PID1: variants seen among roughly 807,000 people sequenced by gnomAD.
PID1 encodes PTB-containing, cubilin and LRP1-interacting protein.
A neutral mutation model predicts 19.1 loss-of-function variants in PID1; 10 were observed. The ratio of observed to expected loss-of-function variants is 0.52; its 90% CI spans 0.32 to 0.89. The LOEUF is 0.89. PID1 is among the 40% of genes least tolerant of loss of function. The pLI is 0.03. For synonymous variants in PID1, 130 were observed against 116.0 expected (o/e 1.12, Z -0.78); for missense variants, 248 against 285.3 (o/e 0.87, Z 0.94).
At chr2:229,248,676 A>C (rs1188661596) in intron 1 of PID1, among the ~76,000 whole-genome samples, 1 of 152,214 alleles carries the variant, frequency 6.6e-6, no homozygotes, top group Non-Finnish European at 1.5e-5. Context: ...ATTTTATTGT[A>C]AGGAAGAGCT....
At chr2:229,092,398 T>C (rs1278035838) in intron 2 of PID1, among the ~76,000 whole-genome samples, 1 of 152,126 alleles carries the variant, frequency 6.6e-6, no homozygotes, top group African/African-American at 2.4e-5. Flanking sequence ...AACTACCCAA[T>C]CCTTGTGTTT....
At chr2:229,258,259 C>T (rs1690357687) in intron 1 of PID1, among the ~76,000 whole-genome samples, 1 of 152,216 alleles carries the variant, frequency 6.6e-6, no homozygotes, top group South Asian at 2.1e-4. Flanking sequence ...CGTGAACTTT[C>T]CACCCTTTGG....
intron 1 of PID1, among the ~76,000 whole-genome samples, chr2:229,170,089 C>CAAACA (rs1247649969): frequency 7.2e-5 from 11 of 152,272 alleles, no homozygotes; most frequent in African/African-American, 2.6e-4. Context: ...AAACGGAAAC[C>CAAACA]TTTATAATCA....
At chr2:229,230,076 A>G (rs188311363) in intron 1 of PID1, among the ~76,000 whole-genome samples, 227 of 152,286 alleles carry the variant, frequency 1.5e-3, no homozygotes, top group Admixed American at 5.6e-3. Context: ...CCAGTTTGAT[A>G]TTTTTCCTGA....
At chr2:229,218,911 C>G (rs1047101208) in intron 1 of PID1, among the ~76,000 whole-genome samples, 1 of 152,196 alleles carries the variant, frequency 6.6e-6, no homozygotes, top group Non-Finnish European at 1.5e-5. Flanking sequence ...TTGATCCATA[C>G]TCCTTTCTTT....
In PID1 at chr2:229,087,643, C is replaced by G. The variant is rs116835628; in HGVS notation, c.178-61535G>C. On this transcript the variant is annotated intron_variant, in intron 2 of 2. Coordinates refer to ENST00000392055, the MANE Select transcript of PID1 (RefSeq NM_001100818.2). ...TGCCATTGAGTAACGAAGTCTACAA[C>G]CTTCCTGCTTTTCTCCCTTTCTCCT... 7.8e-3 allele frequency among the ~76,000 whole-genome samples: 1,181 copies of G among 152,248 alleles called. 2 individuals are homozygous for G. Among genetic ancestry groups the G allele is most frequent in the Admixed American group, 0.016 (250 of 15,286 alleles).
At chr2:229,122,849 G>A (rs1368308747) in intron 2 of PID1, among the ~76,000 whole-genome samples, 1 of 152,130 alleles carries the variant, frequency 6.6e-6, no homozygotes, top group African/African-American at 2.4e-5. Context: ...TTGATCATTG[G>A]AACAGTAAAG....
intron 2 of PID1, among the ~76,000 whole-genome samples, chr2:229,117,792 TC>T (rs919249877): frequency 6.6e-6 from 1 of 152,174 alleles, no homozygotes; most frequent in Admixed American, 6.5e-5. Flanking sequence ...GCTTGTCATG[TC>T]CCCAAGCTTC....
intron 1 of PID1, among the ~76,000 whole-genome samples, chr2:229,190,338 GC>G (rs1219981814): frequency 6.6e-6 from 1 of 152,192 alleles, no homozygotes; most frequent in Admixed American, 6.5e-5. Context: ...AGTTGAACCA[GC>G]CCCGAGCTAT....
At chr2:229,254,878 G>A (rs1214506565) in intron 1 of PID1, among the ~76,000 whole-genome samples, 1 of 152,142 alleles carries the variant, frequency 6.6e-6, no homozygotes, top group African/African-American at 2.4e-5. Context: ...TCTGTGGGCA[G>A]CACCATCCCT....
intron 2 of PID1, among the ~76,000 whole-genome samples, chr2:229,032,658 C>T (rs1033895315): frequency 5.3e-5 from 8 of 152,148 alleles, no homozygotes; most frequent in Non-Finnish European, 1.2e-4. Flanking sequence ...CTGGAAATTG[C>T]GGTAAATACC....
intron 2 of PID1, among the ~76,000 whole-genome samples, chr2:229,151,772 G>A (rs1370950121): frequency 2.6e-5 from 4 of 151,976 alleles, no homozygotes; most frequent in African/African-American, 7.2e-5. Flanking sequence ...GGTTTTCAAC[G>A]TGTTAGCCAG....
chr2:229,226,657 G>A (rs952454492), intron 1 of PID1, among the ~76,000 whole-genome samples: 3 of 152,140 alleles, frequency 2.0e-5, no homozygotes, highest in Admixed American at 6.6e-5. Flanking sequence ...CCAAGTGTAC[G>A]AGGAAATCAG....
At chr2:229,118,711 G>A (rs1171186066) in intron 2 of PID1, among the ~76,000 whole-genome samples, 2 of 152,056 alleles carry the variant, frequency 1.3e-5, no homozygotes, top group Admixed American at 6.6e-5. Flanking sequence ...ATTGTTCTTG[G>A]GGGAAAGTAC....
chr2:229,140,496 C>CACAT (rs1689989775), intron 2 of PID1, among the ~76,000 whole-genome samples: 1 of 152,030 alleles, frequency 6.6e-6, no homozygotes, highest in African/African-American at 2.4e-5. Flanking sequence ...TGCACACACA[C>CACAT]ACACACAAGA....
intron 1 of PID1, among the ~76,000 whole-genome samples, chr2:229,227,690 T>TA (rs1002307563): frequency 6.6e-6 from 1 of 152,148 alleles, no homozygotes; most frequent in African/African-American, 2.4e-5. Context: ...TCTTCATCCC[T>TA]AAACATAAAT....
At chr2:229,086,338 A>G (rs1477324177) in intron 2 of PID1, among the ~76,000 whole-genome samples, 1 of 152,122 alleles carries the variant, frequency 6.6e-6, no homozygotes, top group African/African-American at 2.4e-5. Context: ...CCTACAATTG[A>G]GCAAAATCAT....
chr2:229,058,525 T>A (rs1694148569), intron 2 of PID1, among the ~76,000 whole-genome samples: 2 of 152,220 alleles, frequency 1.3e-5, no homozygotes, highest in African/African-American at 2.4e-5. Context: ...CAGCCGCCCC[T>A]GCTGGCATGC....
At chr2:229,082,154 A>G (rs1694680743) in intron 2 of PID1, among the ~76,000 whole-genome samples, 1 of 152,242 alleles carries the variant, frequency 6.6e-6, no homozygotes. Flanking sequence ...TAACTGCTCA[A>G]GTTTATCAAT....
Sources: allele counts gnomAD v4.1 joint callset (sites outside exome capture counted in the v4.1 genomes callset), GRCh38; gene constraint gnomAD v4.1.1; transcripts MANE v1.5; gene names NCBI Gene and HGNC (gene_info 2026-07-23, HGNC 2026-07-21).